AOAH: variants seen among roughly 807,000 people sequenced by gnomAD.
AOAH encodes acyloxyacyl hydrolase (neutrophil).
Under a neutral mutation model 92.2 loss-of-function variants are expected in AOAH, and 64 were observed. That is an observed-to-expected ratio of 0.69 (90% CI 0.57 to 0.86). The LOEUF is 0.86. Ranked by LOEUF, AOAH falls within the 40% of genes least tolerant of loss-of-function variation. The pLI is 0.00. For synonymous variants in AOAH, 263 were observed against 254.5 expected (o/e 1.03, Z -0.32); for missense variants, 656 against 694.6 (o/e 0.94, Z 0.62).
At chr7:36,515,344 A>AC (rs1325653571) in intron 20 of AOAH, among the ~76,000 whole-genome samples, 2 of 85,250 alleles carry the variant, frequency 2.3e-5, no homozygotes, top group African/African-American at 4.8e-5. Flanking sequence ...ACACACACAT[A>AC]ATCACACACC....
At chr7:36,633,310 G>A (rs902743770) in intron 5 of AOAH, among the ~76,000 whole-genome samples, 2 of 152,160 alleles carry the variant, frequency 1.3e-5, no homozygotes, top group African/African-American at 4.8e-5. Flanking sequence ...AGTCATTCTG[G>A]TGCCCACTAA....
intron 11 of AOAH, among the ~76,000 whole-genome samples, chr7:36,610,361 A>T (rs2115856018): frequency 6.6e-6 from 1 of 152,094 alleles, no homozygotes; most frequent in East Asian, 1.9e-4. Context: ...TTGTAACAGC[A>T]TGACGTGTGT....
Position 36,562,482 on chromosome 7 carries a change from T to G in AOAH, c.1022-13007A>C, listed in dbSNP as rs140735543. On this transcript the variant is annotated intron_variant, in intron 13 of 20. Coordinates refer to ENST00000617537, the MANE Select transcript of AOAH (RefSeq NM_001637.4). ...GAGGTTTGACCTTGGAATAGGAACA[T>G]TTTATTTATTTGTCAAGATGGTCCA... Among the ~76,000 whole-genome samples, 301 of 152,290 alleles carry G rather than the reference T, an allele frequency of 2.0e-3. 1 individual carries two copies. The highest frequency in any genetic ancestry group is 7.1e-3 in the African/African-American group (296 of 41,578).
intron 11 of AOAH, among the ~76,000 whole-genome samples, chr7:36,601,851 A>C (rs1313289503): frequency 1.3e-5 from 2 of 152,196 alleles, no homozygotes; most frequent in African/African-American, 2.4e-5. Context: ...CAGTATTGCT[A>C]ACACCGCATG....
chr7:36,517,178 C>CTTTG (rs1314649303), intron 20 of AOAH, among the ~76,000 whole-genome samples: 13 of 56,080 alleles, frequency 2.3e-4, no homozygotes, highest in Non-Finnish European at 2.2e-4. Context: ...TTCTTTCTTT[C>CTTTG]TTTCTTTCTT....
intron 15 of AOAH, among the ~76,000 whole-genome samples, chr7:36,546,428 A>T (rs1228990826): frequency 6.6e-6 from 1 of 152,190 alleles, no homozygotes; most frequent in African/African-American, 2.4e-5. Context: ...TCCACAGGAC[A>T]TCACAAAGTG....
At position 36,513,300 on chromosome 7, in the gene AOAH, C is replaced by T. The variant is rs1790150167; in HGVS notation, c.1680G>A (p.Pro560=). The change falls in exon 21 of 21, where the codon CCG becomes CCA. Residue 560 remains proline, a synonymous_variant. Transcript: ENST00000617537. The part of the protein sequence containing the change: ...QWPQILGKEN[P]FNPQIKQVFG... Reference sequence around the variant, plus strand: ...ACACCTGTTTAATCTGGGGGTTGAACGGATTCTCCTTTCCCAGGATTTGGG... The same window carrying T: ...ACACCTGTTTAATCTGGGGGTTGAATGGATTCTCCTTTCCCAGGATTTGGG... 1.2e-5 allele frequency: 20 copies of T among 1,614,032 alleles called. No homozygotes were observed. Among genetic ancestry groups the T allele is most frequent in the African/African-American group, 6.7e-5 (5 of 74,906 alleles).
chr7:36,709,974 A>T (rs1310585078), intron 1 of AOAH, among the ~76,000 whole-genome samples: 3 of 152,202 alleles, frequency 2.0e-5, no homozygotes, highest in Non-Finnish European at 2.9e-5. Context: ...TCACTTTGGA[A>T]CTAAGTCACA....
chr7:36,689,434 T>C (rs1024282815), intron 1 of AOAH, among the ~76,000 whole-genome samples: 1 of 152,170 alleles, frequency 6.6e-6, no homozygotes, highest in African/African-American at 2.4e-5. Flanking sequence ...TGGTGTCTGG[T>C]GAGGGCTTGC....
intron 6 of AOAH, among the ~76,000 whole-genome samples, chr7:36,628,901 G>C (rs1027469289): frequency 6.6e-6 from 1 of 152,192 alleles, no homozygotes; most frequent in Non-Finnish European, 1.5e-5. Flanking sequence ...GAGTTGAGGG[G>C]TCAATGGAAA....
At chr7:36,722,287 C>G (rs1346018384) in intron 1 of AOAH, among the ~76,000 whole-genome samples, 1 of 152,186 alleles carries the variant, frequency 6.6e-6, no homozygotes, top group Non-Finnish European at 1.5e-5. Flanking sequence ...ACACCTCCTT[C>G]TTACCCTCTA....
At chr7:36,663,746 A>T (rs867821787) in intron 3 of AOAH, among the ~76,000 whole-genome samples, 12 of 152,324 alleles carry the variant, frequency 7.9e-5, no homozygotes, top group Admixed American at 2.0e-4. Flanking sequence ...TTTGATGATT[A>T]TGAATAATGC....
intron 20 of AOAH, among the ~76,000 whole-genome samples, chr7:36,517,242 C>CTT (rs1343311554): frequency 6.1e-5 from 4 of 65,524 alleles, no homozygotes; most frequent in Non-Finnish European, 1.3e-4. Context: ...CTCTCTCTCT[C>CTT]TCTTTCTTTC....
At chr7:36,711,977 G>C (rs75145722) in intron 1 of AOAH, among the ~76,000 whole-genome samples, 12,088 of 152,258 alleles carry the variant, frequency 0.079, 757 homozygotes, top group South Asian at 0.13. Flanking sequence ...GGAAAAGCTA[G>C]TTACCAAAGG....
At chr7:36,533,732 C>T (rs1312505152) in intron 16 of AOAH, among the ~76,000 whole-genome samples, 1 of 151,858 alleles carries the variant, frequency 6.6e-6, no homozygotes. Flanking sequence ...CATTTGCTCC[C>T]TTTCTGAATG....
chr7:36,637,827 G>T, intron 5 of AOAH, 24 bp downstream of exon 5: 1 of 1,611,028 alleles, frequency 6.2e-7, no homozygotes, highest in Non-Finnish European at 8.5e-7. Flanking sequence ...GAAAAGGCTG[G>T]CGTTCTACGT....
intron 1 of AOAH, among the ~76,000 whole-genome samples, chr7:36,691,348 A>G (rs547406445): frequency 1.3e-5 from 2 of 152,352 alleles, no homozygotes; most frequent in African/African-American, 4.8e-5. Flanking sequence ...AGGTGTAAAA[A>G]TAATCACCTA....
At chr7:36,646,341 C>G (rs569198947) in intron 4 of AOAH, among the ~76,000 whole-genome samples, 13 of 152,184 alleles carry the variant, frequency 8.5e-5, no homozygotes, top group Middle Eastern at 3.2e-3. Context: ...GGCTCATAAA[C>G]AAGCTCTCCA....
intron 4 of AOAH, among the ~76,000 whole-genome samples, chr7:36,657,826 A>G (rs1794981835): frequency 6.6e-6 from 1 of 152,258 alleles, no homozygotes; most frequent in Non-Finnish European, 1.5e-5. Flanking sequence ...TCTAGAGAGT[A>G]TAAAAATAAA....
Sources: allele counts gnomAD v4.1 joint callset (sites outside exome capture counted in the v4.1 genomes callset), GRCh38; gene constraint gnomAD v4.1.1; transcripts MANE v1.5; gene names NCBI Gene and HGNC (gene_info 2026-07-23, HGNC 2026-07-21).